ZFPM2: variants seen among roughly 807,000 people sequenced by gnomAD.
ZFPM2 encodes zinc finger protein, FOG family member 2.
ZFPM2 carries 20 observed loss-of-function variants against 98.6 expected under a neutral mutation model. That is an observed-to-expected ratio of 0.20 (90% CI 0.14 to 0.29). The LOEUF is 0.29. Ranked by LOEUF, ZFPM2 falls within the 10% of genes least tolerant of loss-of-function variation. ZFPM2 has a pLI of 1.00. For missense variants in ZFPM2, 1,310 were observed against 1,388.6 expected, an observed-to-expected ratio of 0.94 and a Z score of 0.90; for synonymous variants, 518 against 502.7, an observed-to-expected ratio of 1.03 and a Z score of -0.41.
chr8:105,330,538 C>CTCTCTATATATATATACATA (rs1554594944), intron 1 of ZFPM2, among the ~76,000 whole-genome samples: 7 of 100,124 alleles, frequency 7.0e-5, no homozygotes, highest in Non-Finnish European at 1.2e-4. Context: ...CTCTCTCTCT[C>CTCTCTATATATATATACATA]TATATATATA....
chr8:105,492,929 G>A (rs1813385484), intron 3 of ZFPM2, among the ~76,000 whole-genome samples: 1 of 152,100 alleles, frequency 6.6e-6, no homozygotes. Flanking sequence ...CAGTAGTTAG[G>A]AATGCTCAAT....
At chr8:105,663,768 T>C (rs1204321023) in intron 5 of ZFPM2, among the ~76,000 whole-genome samples, 1 of 152,210 alleles carries the variant, frequency 6.6e-6, no homozygotes, top group East Asian at 1.9e-4. Context: ...AAATTAAATG[T>C]GTTAAAATTA....
intron 5 of ZFPM2, among the ~76,000 whole-genome samples, chr8:105,710,833 T>C (rs1343806630): frequency 4.6e-5 from 7 of 152,060 alleles, no homozygotes; most frequent in Admixed American, 4.6e-4. Flanking sequence ...CTCAGTTTCC[T>C]CATCATTGAA....
At chr8:105,483,012 T>TTCCTTCCTTCCTTCCTTCCA (rs1813154678) in intron 3 of ZFPM2, among the ~76,000 whole-genome samples, 1 of 124,842 alleles carries the variant, frequency 8.0e-6, no homozygotes, top group Non-Finnish European at 1.6e-5. Context: ...CCTTCCTTCC[T>TTCCTTCCTTCCTTCCTTCCA]TCCTTCCTTC....
At chr8:105,747,868 C>T (rs562432823) in intron 5 of ZFPM2, among the ~76,000 whole-genome samples, 38 of 152,086 alleles carry the variant, frequency 2.5e-4, no homozygotes, top group Non-Finnish European at 4.6e-4. Context: ...CCAATTAATG[C>T]ATTCACACGT....
At chr8:105,567,999 T>C (rs1448657902) in intron 4 of ZFPM2, among the ~76,000 whole-genome samples, 1 of 152,070 alleles carries the variant, frequency 6.6e-6, no homozygotes, top group Non-Finnish European at 1.5e-5. Context: ...TACTTTCCTA[T>C]TTCTCATATC....
chr8:105,636,041 T>G (rs978135310), intron 5 of ZFPM2, among the ~76,000 whole-genome samples: 1 of 152,150 alleles, frequency 6.6e-6, no homozygotes, highest in African/African-American at 2.4e-5. Flanking sequence ...TAATGGTAAT[T>G]CTATACAATA....
chr8:105,500,705 T>G (rs1301255656), intron 3 of ZFPM2, among the ~76,000 whole-genome samples: 3 of 152,160 alleles, frequency 2.0e-5, no homozygotes, highest in Non-Finnish European at 4.4e-5. Context: ...TGTCTAAACA[T>G]AAACCTATGT....
chr8:105,387,590 G>GGCCC (rs1156450517), intron 1 of ZFPM2: 1 of 152,950 alleles, frequency 6.5e-6, no homozygotes, highest in African/African-American at 2.4e-5. Context: ...CTGAGTGCAG[G>GGCCC]GCCCGTGGAG....
intron 1 of ZFPM2, among the ~76,000 whole-genome samples, chr8:105,391,147 A>G (rs1811099103): frequency 6.6e-6 from 1 of 152,220 alleles, no homozygotes; most frequent in Non-Finnish European, 1.5e-5. Context: ...GCTATGCAAC[A>G]AAAGCAAATC....
intron 5 of ZFPM2, among the ~76,000 whole-genome samples, chr8:105,651,325 G>A (rs192259741): frequency 5.1e-4 from 77 of 151,968 alleles, no homozygotes; most frequent in African/African-American, 1.3e-3. Flanking sequence ...AAAATTAGCC[G>A]GGTGTGGTGG....
chr8:105,668,532 G>A (rs532900213), intron 5 of ZFPM2, among the ~76,000 whole-genome samples: 5 of 151,992 alleles, frequency 3.3e-5, no homozygotes, highest in African/African-American at 4.8e-5. Flanking sequence ...ATTTTTGTCC[G>A]CATCTTCTTT....
intron 4 of ZFPM2, among the ~76,000 whole-genome samples, chr8:105,621,398 G>A (rs1166601682): frequency 6.6e-6 from 1 of 152,178 alleles, no homozygotes; most frequent in Non-Finnish European, 1.5e-5. Flanking sequence ...CTTTGCTGAA[G>A]TTGCCTATCA....
At chr8:105,700,237 T>G (rs1046130699) in intron 5 of ZFPM2, among the ~76,000 whole-genome samples, 43 of 152,290 alleles carry the variant, frequency 2.8e-4, no homozygotes, top group African/African-American at 9.1e-4. Flanking sequence ...GGCTATGGAT[T>G]TTGAAGTTAT....
rs534731276 is a variant in ZFPM2 at position 105,691,477 on chromosome 8, T to C, written c.532+57120T>C. 1.7e-3 allele frequency among the ~76,000 whole-genome samples: 261 copies of C among 149,822 alleles called. 14 individuals are homozygous for C. Among genetic ancestry groups the C allele is most frequent in the Middle Eastern group, 0.01 (3 of 288 alleles). ...GTTAGCCAGGATGGTCTCGATCTCC[T>C]GACCTCATGATCCACCCGCCTCGGC... On this transcript the variant is annotated intron_variant, in intron 5 of 7. Coordinates refer to ENST00000407775, the MANE Select transcript of ZFPM2 (RefSeq NM_012082.4).
intron 5 of ZFPM2, among the ~76,000 whole-genome samples, chr8:105,652,506 A>T (rs1314902259): frequency 4.0e-5 from 6 of 151,750 alleles, no homozygotes; most frequent in African/African-American, 1.5e-4. Context: ...ATTCCCATCT[A>T]TTTATGCATG....
intron 3 of ZFPM2, among the ~76,000 whole-genome samples, chr8:105,479,998 G>C (rs2130380790): frequency 6.6e-6 from 1 of 152,280 alleles, no homozygotes; most frequent in South Asian, 2.1e-4. Context: ...TGAGTCACTT[G>C]AACTCCCCGT....
chr8:105,616,693 A>G, intron 4 of ZFPM2: 2 of 390,862 alleles, frequency 5.1e-6, no homozygotes, highest in South Asian at 3.9e-5. Context: ...AAGGTAACCA[A>G]CGGACAGAGA....
chr8:105,353,514 A>T (rs1812687556), intron 1 of ZFPM2, among the ~76,000 whole-genome samples: 1 of 152,168 alleles, frequency 6.6e-6, no homozygotes, highest in African/African-American at 2.4e-5. Flanking sequence ...CCAAAAAACT[A>T]TGTAGGTTTA....
Sources: gnomAD v4.1 joint callset for allele counts (sites outside exome capture counted in the v4.1 genomes callset) on GRCh38, gnomAD v4.1.1 for gene constraint, MANE v1.5 for transcripts, NCBI Gene and HGNC (gene_info 2026-07-23, HGNC 2026-07-21) for gene names.